Variants in SNTB1 observed in about 807,000 individuals in gnomAD.
SNTB1 encodes the protein syntrophin beta 1, also known as beta-1-syntrophin.
Under a neutral mutation model 48.9 loss-of-function variants are expected in SNTB1, and 36 were observed. That is an observed-to-expected ratio of 0.74 (90% CI 0.56 to 0.97). The LOEUF (loss-of-function observed/expected upper bound fraction) is 0.97. Ranked by LOEUF, SNTB1 falls within the 50% of genes least tolerant of loss-of-function variation. The pLI, the probability that SNTB1 is intolerant of heterozygous loss-of-function variation, is 0.00. For synonymous variants in SNTB1, 299 were observed against 294.6 expected, an observed-to-expected ratio of 1.01 and a Z score of -0.15; for missense variants, 786 against 703.4, an observed-to-expected ratio of 1.12 and a Z score of -1.33.
chr8:120,587,542 AT>A (rs1432655800), intron 3 of SNTB1, among the ~76,000 whole-genome samples: 1 of 152,168 alleles, frequency 6.6e-6, no homozygotes, highest in Non-Finnish European at 1.5e-5. Flanking sequence ...ACCCTGTGGA[AT>A]GACTGGAGTA....
intron 2 of SNTB1, among the ~76,000 whole-genome samples, chr8:120,656,446 T>A (rs1433163153): frequency 6.6e-6 from 1 of 152,226 alleles, no homozygotes; most frequent in Non-Finnish European, 1.5e-5. Context: ...TAGTTTTAGA[T>A]GAAAAGTCAG....
intron 3 of SNTB1, among the ~76,000 whole-genome samples, chr8:120,589,244 A>T (rs1816199719): frequency 6.6e-6 from 1 of 152,208 alleles, no homozygotes; most frequent in Non-Finnish European, 1.5e-5. Context: ...TGTCTACAAT[A>T]CTATCATAAA....
intron 1 of SNTB1, among the ~76,000 whole-genome samples, chr8:120,771,391 TTC>T (rs1304869380): frequency 6.6e-6 from 1 of 152,204 alleles, no homozygotes; most frequent in African/African-American, 2.4e-5. Context: ...CCTGACAAAT[TTC>T]TGTTTCCATG....
intron 2 of SNTB1, among the ~76,000 whole-genome samples, 155 bp downstream of exon 2, chr8:120,693,537 A>G (rs1818161631): frequency 6.6e-6 from 1 of 152,044 alleles, no homozygotes; most frequent in Non-Finnish European, 1.5e-5. Context: ...TCTTTCACAC[A>G]CAGACACACA....
intron 2 of SNTB1, among the ~76,000 whole-genome samples, chr8:120,648,693 C>T (rs1160384235): frequency 6.6e-6 from 1 of 151,698 alleles, no homozygotes; most frequent in Non-Finnish European, 1.5e-5. Flanking sequence ...GTCTGTATTT[C>T]CTGAATCTGA....
intron 4 of SNTB1, among the ~76,000 whole-genome samples, chr8:120,566,670 C>T (rs555661630): frequency 6.6e-6 from 1 of 152,294 alleles, no homozygotes; most frequent in Admixed American, 6.5e-5. Context: ...GTGTCAGAAA[C>T]ACCTGGAGGC....
chr8:120,636,349 G>A (rs1448267466), intron 2 of SNTB1, among the ~76,000 whole-genome samples: 1 of 141,156 alleles, frequency 7.1e-6, no homozygotes, highest in Non-Finnish European at 1.6e-5. Flanking sequence ...CCACTAACTC[G>A]TCATCTAGCA....
chr8:120,578,756 T>C (rs1392627827), intron 3 of SNTB1, among the ~76,000 whole-genome samples: 1 of 152,146 alleles, frequency 6.6e-6, no homozygotes, highest in African/African-American at 2.4e-5. Flanking sequence ...AAGAAGTAAT[T>C]GGTAACAATT....
In SNTB1 at chr8:120,571,393, G is replaced by A. The variant is rs750824449; in HGVS notation, c.1136+3693C>T. On this transcript the variant is annotated intron_variant, in intron 4 of 6. Transcript: ENST00000517992. ...TGGATGCAAAGTACAGAAAGCAATA[G>A]CGATTGGGCCGAATTCTCATGGACC... is the stretch of plus-strand genomic sequence containing the variant. 10 of 1,249,354 alleles carry A rather than the reference G, an allele frequency of 8.0e-6. 1 individual carries two copies. Among genetic ancestry groups the A allele is most frequent in the Non-Finnish European group, 1.0e-5 (10 of 953,684 alleles). The allele number at this position is 1,249,354 out of a possible 1,614,324, so 77.4% of individuals were successfully genotyped here. A position where few individuals can be genotyped will look rare whatever the true frequency, so the allele number is the denominator to read the frequency against.
At chr8:120,565,787 G>A (rs368047048) in intron 4 of SNTB1, among the ~76,000 whole-genome samples, 3 of 152,172 alleles carry the variant, frequency 2.0e-5, no homozygotes, top group Non-Finnish European at 2.9e-5. Context: ...TGGTTTGAAC[G>A]TCTGTGTCCC....
At chr8:120,751,279 A>G (rs1221285234) in intron 1 of SNTB1, among the ~76,000 whole-genome samples, 1 of 152,160 alleles carries the variant, frequency 6.6e-6, no homozygotes, top group East Asian at 1.9e-4. Flanking sequence ...CCACATTAAG[A>G]TGACACCTAA....
intron 2 of SNTB1, among the ~76,000 whole-genome samples, chr8:120,666,658 C>T (rs535664877): frequency 6.6e-6 from 1 of 152,210 alleles, no homozygotes; most frequent in East Asian, 1.9e-4. Flanking sequence ...GAGTAATTTT[C>T]AGCCATTATT....
intron 1 of SNTB1, among the ~76,000 whole-genome samples, chr8:120,715,516 T>G (rs1187519680): frequency 1.3e-5 from 2 of 152,092 alleles, no homozygotes; most frequent in Non-Finnish European, 2.9e-5. Context: ...AAAACAAACT[T>G]GGGTTTCATA....
At chr8:120,756,450 A>T (rs60253883) in intron 1 of SNTB1, among the ~76,000 whole-genome samples, 10,978 of 152,132 alleles carry the variant, frequency 0.072, 1,293 homozygotes, top group African/African-American at 0.25. Context: ...AATATTCAGA[A>T]GTGCTTATTC....
chr8:120,679,685 A>C (rs1180448774), intron 2 of SNTB1, among the ~76,000 whole-genome samples: 1 of 152,212 alleles, frequency 6.6e-6, no homozygotes, highest in Non-Finnish European at 1.5e-5. Flanking sequence ...AAATTTCTGC[A>C]ACAGCATCCT....
At chr8:120,548,613 A>T in intron 5 of SNTB1, 149 bp downstream of exon 5, 2 of 674,664 alleles carry the variant, frequency 3.0e-6, no homozygotes, top group South Asian at 3.7e-5. Context: ...TAGGGTATAG[A>T]CCTCCTTAAT....
At chr8:120,558,384 C>G (rs562645931) in intron 4 of SNTB1, among the ~76,000 whole-genome samples, 2 of 152,288 alleles carry the variant, frequency 1.3e-5, no homozygotes, top group Non-Finnish European at 2.9e-5. Flanking sequence ...GAATTTGAAG[C>G]TGAATTCACA....
At chr8:120,546,467 C>G (rs771757689) in intron 5 of SNTB1, among the ~76,000 whole-genome samples, 11 of 151,908 alleles carry the variant, frequency 7.2e-5, no homozygotes, top group Non-Finnish European at 1.3e-4. Flanking sequence ...CTTTTCCATT[C>G]TCTTTTTTTT....
Position 120,587,941 on chromosome 8 carries a change from T to G in SNTB1, c.997-12716A>C, listed in dbSNP as rs565710406. On this transcript the variant is annotated intron_variant, in intron 3 of 6. Coordinates refer to ENST00000517992, the MANE Select transcript of SNTB1 (RefSeq NM_021021.4). ...CAAGTTATCTTTGACTTACAGACTT[T>G]ACTTCCTTAACTTTCAGGAAAGATG... is the stretch of plus-strand genomic sequence containing the variant. Among the ~76,000 whole-genome samples the G allele has an allele frequency of 3.5e-4, 54 of 152,330 alleles. No individual in the cohort carries two copies. In the South Asian group the frequency reaches 7.0e-3, roughly 20 times the overall value.
Sources: allele counts gnomAD v4.1 joint callset (sites outside exome capture counted in the v4.1 genomes callset), GRCh38; gene constraint gnomAD v4.1.1; transcripts MANE v1.5; gene names NCBI Gene and HGNC (gene_info 2026-07-23, HGNC 2026-07-21).